The following WDR27 variants were observed in gnomAD, a reference collection of about 807,000 sequenced individuals.
WDR27 encodes WD repeat domain 27, also known as WD repeat-containing protein 27.
A neutral mutation model predicts 114.4 loss-of-function variants in WDR27; 100 were observed. The observed-to-expected ratio is 0.87, with a 90% CI of 0.74 to 1.03. The LOEUF (loss-of-function observed/expected upper bound fraction) is 1.03, where lower values mean the gene tolerates loss of function less well. WDR27 is among the 50% of genes least tolerant of loss of function. The pLI is 0.00. For missense variants in WDR27, 1,129 were observed against 1,092.9 expected (o/e 1.03, Z -0.47); for synonymous variants, 449 against 423.1 (o/e 1.06, Z -0.75).
At chr6:169,644,657 A>G (rs1232804343) in intron 16 of WDR27, among the ~76,000 whole-genome samples, 1 of 151,556 alleles carries the variant, frequency 6.6e-6, no homozygotes, top group African/African-American at 2.4e-5. Flanking sequence ...CACACTGTGG[A>G]AAAGCCTAGT....
At chr6:169,644,796 T>C (rs979622177) in intron 16 of WDR27, among the ~76,000 whole-genome samples, 1 of 68,256 alleles carries the variant, frequency 1.5e-5, no homozygotes, top group Non-Finnish European at 2.6e-5. Flanking sequence ...GATCACGAGG[T>C]CAGGAGATCG....
At chr6:169,636,117 C>A (rs1159091375) in intron 19 of WDR27, among the ~76,000 whole-genome samples, 1 of 152,082 alleles carries the variant, frequency 6.6e-6, no homozygotes, top group African/African-American at 2.4e-5. Flanking sequence ...GCTGCAGAGC[C>A]GAGATGATAA....
intron 25 of WDR27, among the ~76,000 whole-genome samples, chr6:169,543,241 G>C (rs1797048090): frequency 6.6e-6 from 1 of 151,962 alleles, no homozygotes; most frequent in Non-Finnish European, 1.5e-5. Flanking sequence ...AAAATGCAAT[G>C]AACAACTTTA....
At chr6:169,680,320 C>T (rs995590216) in intron 2 of WDR27, among the ~76,000 whole-genome samples, 15 of 152,310 alleles carry the variant, frequency 9.8e-5, no homozygotes, top group African/African-American at 2.9e-4. Context: ...CAGTGGCTCA[C>T]GCCTGTAATC....
At chr6:169,611,749 A>G (rs1810586014) in intron 22 of WDR27, among the ~76,000 whole-genome samples, 1 of 152,170 alleles carries the variant, frequency 6.6e-6, no homozygotes, top group East Asian at 1.9e-4. Context: ...TGGAGTCGGG[A>G]TCATCAATAT....
intron 21 of WDR27, among the ~76,000 whole-genome samples, chr6:169,630,859 A>C (rs904762986): frequency 8.6e-5 from 13 of 151,606 alleles, no homozygotes; most frequent in African/African-American, 3.2e-4. Flanking sequence ...ATGGCACTGC[A>C]CTCCAACCTG....
intron 24 of WDR27, among the ~76,000 whole-genome samples, chr6:169,581,678 C>G (rs1489403685): frequency 6.6e-6 from 1 of 152,220 alleles, no homozygotes. Flanking sequence ...GATGGAAGCT[C>G]TGGTCCATGA....
chr6:169,514,836 A>G (rs1235089860), intron 25 of WDR27, among the ~76,000 whole-genome samples: 2 of 150,314 alleles, frequency 1.3e-5, no homozygotes, highest in African/African-American at 4.9e-5. Flanking sequence ...ATTCTTAGCA[A>G]ACAAGGAATA....
chr6:169,607,200 A>G (rs1809382125), intron 22 of WDR27, among the ~76,000 whole-genome samples: 1 of 151,748 alleles, frequency 6.6e-6, no homozygotes. Flanking sequence ...AGAACTAAAA[A>G]TATAACTACC....
chr6:169,623,534 C>T (rs1026918115), intron 21 of WDR27, among the ~76,000 whole-genome samples: 11 of 152,264 alleles, frequency 7.2e-5, no homozygotes, highest in Admixed American at 2.0e-4. Flanking sequence ...CACCACTCAC[C>T]GGGCCCGCAG....
chr6:169,608,562 T>G (rs1049771400), intron 22 of WDR27, among the ~76,000 whole-genome samples: 2 of 152,162 alleles, frequency 1.3e-5, no homozygotes, highest in African/African-American at 4.8e-5. Flanking sequence ...CTCATGAGAC[T>G]TATTCACTAC....
rs371523672 is a variant in WDR27 at position 169,488,551 on chromosome 6, G to A, written c.2646-30917C>T. Among the ~76,000 whole-genome samples, 20 of 152,320 alleles carry A rather than the reference G, an allele frequency of 1.3e-4. No homozygotes were observed. The South Asian group carries it at 2.5e-3, about 19-fold the overall frequency. On this transcript the variant is annotated intron_variant, in intron 25 of 25. Coordinates refer to ENST00000448612, the MANE Select transcript of WDR27 (RefSeq NM_182552.5). ...CAACTCCAGTTACGTGTCTTCATAT[G>A]CACAGTGGATGCTGGTTTTGACCTT...
At chr6:169,601,713 C>G (rs1375227678) in intron 23 of WDR27, among the ~76,000 whole-genome samples, 2 of 152,186 alleles carry the variant, frequency 1.3e-5, no homozygotes, top group African/African-American at 2.4e-5. Context: ...GAAATTAATA[C>G]AAGCCTTTTA....
At chr6:169,668,431 C>G (rs1291496666) in intron 4 of WDR27, among the ~76,000 whole-genome samples, 1 of 152,200 alleles carries the variant, frequency 6.6e-6, no homozygotes, top group African/African-American at 2.4e-5. Flanking sequence ...CCGCCTGTAA[C>G]TCAGAATGTA....
chr6:169,568,043 C>T (rs1800785695), intron 25 of WDR27, among the ~76,000 whole-genome samples: 1 of 152,166 alleles, frequency 6.6e-6, no homozygotes, highest in Non-Finnish European at 1.5e-5. Flanking sequence ...GCCGAAACCG[C>T]ACTGTAAAGG....
intron 21 of WDR27, among the ~76,000 whole-genome samples, chr6:169,631,719 C>T (rs895203820): frequency 1.3e-5 from 2 of 152,198 alleles, no homozygotes; most frequent in Admixed American, 6.5e-5. Flanking sequence ...TTAAAGTCTT[C>T]CTGTGGCCCT....
Position 169,613,670 on chromosome 6 carries a change from G to T in WDR27, c.2224-14C>A. Reference sequence around the variant, plus strand: ...AAATGATGAACCCTATAATTTTAAGGGGGAAATCAAGATGTACTTTCAAAG... The same window carrying T: ...AAATGATGAACCCTATAATTTTAAGTGGGAAATCAAGATGTACTTTCAAAG... On this transcript the variant is annotated splice_polypyrimidine_tract_variant and intron_variant, in intron 21 of 25. Coordinates refer to ENST00000448612, the MANE Select transcript of WDR27 (RefSeq NM_182552.5). 6.2e-7 allele frequency: 1 copy of T among 1,602,508 alleles called. No individual in the cohort carries two copies. Among genetic ancestry groups the T allele is most frequent in the Non-Finnish European group, 8.5e-7 (1 of 1,170,354 alleles).
intron 13 of WDR27, among the ~76,000 whole-genome samples, chr6:169,654,744 C>A (rs570487465): frequency 6.6e-6 from 1 of 150,530 alleles, no homozygotes; most frequent in African/African-American, 2.5e-5. Context: ...GGAGGAGGCG[C>A]GCACAGGGTT....
chr6:169,553,008 GTGTGTGTGTGTGTGTGTGTA>G (rs1256581594), intron 25 of WDR27, among the ~76,000 whole-genome samples: 93 of 122,168 alleles, frequency 7.6e-4, no homozygotes, highest in Non-Finnish European at 3.9e-4. Flanking sequence ...GTGTGTGTGT[GTGTGTGTGTGTGTGTGTGTA>G]TGCAGGGAGG....
Sources: allele counts gnomAD v4.1 joint callset (sites outside exome capture counted in the v4.1 genomes callset), GRCh38; gene constraint gnomAD v4.1.1; transcripts MANE v1.5; gene names NCBI Gene and HGNC (gene_info 2026-07-23, HGNC 2026-07-21).